The following BTD variants were observed in gnomAD, a reference collection of about 807,000 sequenced individuals.
The protein encoded by BTD is biotinidase, also known as biocytinase.
In BTD, 13 loss-of-function variants were observed where a neutral mutation model predicts 17.7. The ratio of observed to expected loss-of-function variants is 0.74; its 90% CI spans 0.48 to 1.17. The LOEUF is 1.17. Among genes scored for constraint, BTD ranks in the 50% most tolerant of loss-of-function variants. BTD has a pLI of 0.00. For missense variants in BTD, 674 were observed against 650.4 expected (o/e 1.04, Z -0.39); for synonymous variants, 240 against 245.2 (o/e 0.98, Z 0.20).
At chr3:15,624,863 G>A (rs1363710985) in intron 1 of BTD, among the ~76,000 whole-genome samples, 1 of 152,136 alleles carries the variant, frequency 6.6e-6, no homozygotes, top group Non-Finnish European at 1.5e-5. Context: ...CTCCCAAGTA[G>A]CTGGGACTAT....
At chr3:15,670,229 G>A (rs2066208251) in intron 3 of BTD, 3 of 1,595,938 alleles carry the variant, frequency 1.9e-6, no homozygotes, top group African/African-American at 1.3e-5. Context: ...AAAAAGCACA[G>A]TTTGAAGCTT....
At chr3:15,709,744 G>C in intron 3 of BTD, 1 of 1,545,438 alleles carries the variant, frequency 6.5e-7, no homozygotes, top group Non-Finnish European at 8.7e-7. Flanking sequence ...TTCCTATTGA[G>C]AGAAAATACA....
intron 3 of BTD, among the ~76,000 whole-genome samples, chr3:15,659,688 T>G (rs538814179): frequency 6.6e-5 from 10 of 152,358 alleles, no homozygotes; most frequent in African/African-American, 2.4e-4. Context: ...ACCATGTAGA[T>G]TAGGGAACTG....
In BTD at chr3:15,635,636, T is replaced by G. The variant is rs587783002; in HGVS notation, c.197T>G (p.Met66Arg). 5.6e-6 allele frequency: 9 copies of G among 1,614,088 alleles called. No individual in the cohort carries two copies. The highest frequency in any genetic ancestry group is 6.8e-6 in the Non-Finnish European group (8 of 1,180,040). The change falls in exon 2 of 4, where the codon ATG (methionine) becomes AGG (arginine). Residue 66 changes from methionine (M) to arginine (R), a missense_variant. Met to Arg is a moderately conservative substitution (Grantham distance 91, BLOSUM62 -1). Transcript: ENST00000643237. This position sits in a 1 kb window ranked among gnomAD's most constrained non-coding sequence, Gnocchi z 4.1. Reference protein sequence around the residue: ...LISRQEALELMNQNLDIYEQQ... With the variant: ...LISRQEALELRNQNLDIYEQQ... ...AGCCGCCAAGAGGCCTTGGAGCTCATGAACCAGAACCTTGACATCTATGAA... is the reference window on the plus strand; with the variant it reads ...AGCCGCCAAGAGGCCTTGGAGCTCAGGAACCAGAACCTTGACATCTATGAA...
At chr3:15,615,143 T>C (rs1464147688) in intron 1 of BTD, among the ~76,000 whole-genome samples, 1 of 152,190 alleles carries the variant, frequency 6.6e-6, no homozygotes, top group East Asian at 1.9e-4. Context: ...GAAGAGAGTA[T>C]GTGGATAGGC....
chr3:15,721,236 G>A (rs756347096), intron 4 of BTD: 34 of 888,770 alleles, frequency 3.8e-5, no homozygotes, highest in East Asian at 2.2e-4. Context: ...AGTGAGAAAC[G>A]GAGACAAGAT....
chr3:15,655,799 G>A (rs543305627), downstream of BTD, among the ~76,000 whole-genome samples: 1 of 152,224 alleles, frequency 6.6e-6, no homozygotes, highest in Admixed American at 6.5e-5. Flanking sequence ...ATACTTTGTT[G>A]TTTTTACTTT....
rs776536620 is a variant in BTD, at chr3:15,635,131, C to T, written c.-16-293C>T. Among the ~76,000 whole-genome samples, 30 of 152,316 alleles carry T rather than the reference C, an allele frequency of 2.0e-4. No individual in the cohort carries two copies. Among genetic ancestry groups the T allele is most frequent in the East Asian group, 3.9e-4 (2 of 5,190 alleles). On this transcript the variant is annotated intron_variant, in intron 1 of 3. Transcript: ENST00000643237. This position sits in a 1 kb window ranked among gnomAD's most constrained non-coding sequence, Gnocchi z 4.1. ...GCACAGCTAGAAAAGTGGGTAGTGA[C>T]GCACTACAGTCTTGCTGAACACTGG...
intron 3 of BTD, chr3:15,670,142 C>T: frequency 2.9e-6 from 3 of 1,050,246 alleles, no homozygotes; most frequent in Non-Finnish European, 4.1e-6. Context: ...GCCATCAGAT[C>T]TCTTAACATT....
At chr3:15,615,807 C>G (rs763284820) in intron 1 of BTD, among the ~76,000 whole-genome samples, 49 of 152,214 alleles carry the variant, frequency 3.2e-4, no homozygotes, top group Non-Finnish European at 6.8e-4. Context: ...TCACTTCTTT[C>G]TCCCTTAACA....
downstream of BTD, among the ~76,000 whole-genome samples, chr3:15,655,516 A>G (rs2065862880): frequency 6.6e-6 from 1 of 152,230 alleles, no homozygotes; most frequent in African/African-American, 2.4e-5. Context: ...ACAAATTTAC[A>G]TAAAAAATAA....
At chr3:15,713,153 G>A (rs980820661), downstream of BTD, among the ~76,000 whole-genome samples, 2 of 152,116 alleles carry the variant, frequency 1.3e-5, no homozygotes, top group African/African-American at 4.8e-5. Context: ...GCACAGCACA[G>A]CCTGAAAAGT....
intron 3 of BTD, chr3:15,696,125 G>C: frequency 6.5e-7 from 1 of 1,537,494 alleles, no homozygotes; most frequent in Non-Finnish European, 8.9e-7. Context: ...AAGAATTCAG[G>C]AATCTTACCA....
intron 3 of BTD, among the ~76,000 whole-genome samples, chr3:15,680,205 ATAT>A (rs201388318): frequency 1.3e-5 from 2 of 151,988 alleles, no homozygotes; most frequent in East Asian, 1.9e-4. Flanking sequence ...CATATATGAA[ATAT>A]TATTATTATT....
At chr3:15,602,092 T>TA in intron 1 of BTD, 198 bp downstream of exon 1, 2 of 1,437,632 alleles carry the variant, frequency 1.4e-6, no homozygotes, top group Non-Finnish European at 1.8e-6. Flanking sequence ...GGCATTTACT[T>TA]ACACGCTTTG....
At chr3:15,667,587 GTTCA>G (rs2066048037) in intron 3 of BTD, 1 of 152,210 alleles carries the variant, frequency 6.6e-6, no homozygotes, top group African/African-American at 2.4e-5. Flanking sequence ...ACGGTGCTGT[GTTCA>G]TTCATTCAAG....
intron 1 of BTD, among the ~76,000 whole-genome samples, chr3:15,618,166 T>C (rs2064844603): frequency 6.6e-6 from 1 of 152,202 alleles, no homozygotes; most frequent in Admixed American, 6.5e-5. Context: ...GTCTCTCTAT[T>C]TTGCCCAGGC....
exon 5 of BTD, among the ~76,000 whole-genome samples, chr3:15,722,144 G>A (rs899925126): frequency 9.9e-5 from 15 of 152,144 alleles, no homozygotes; most frequent in African/African-American, 3.6e-4. Context: ...TTTGCCCCTG[G>A]CTTCAGGGAG....
intron 3 of BTD, chr3:15,686,329 C>T: frequency 6.7e-7 from 1 of 1,503,352 alleles, no homozygotes; most frequent in East Asian, 2.4e-5. Context: ...GAAATTTAAA[C>T]ATTTCAGTAA....
Sources: allele counts gnomAD v4.1 joint callset (sites outside exome capture counted in the v4.1 genomes callset), GRCh38; gene constraint gnomAD v4.1.1; non-coding constraint Gnocchi (gnomAD v3.1); transcripts MANE v1.5; gene names NCBI Gene and HGNC (gene_info 2026-07-23, HGNC 2026-07-21).